Variants in HPSE2 observed in about 807,000 individuals in gnomAD.
The protein encoded by HPSE2 is inactive heparanase-2.
Under a neutral mutation model 60.5 loss-of-function variants are expected in HPSE2, and 38 were observed. The observed-to-expected ratio is 0.63, with a 90% CI of 0.48 to 0.82. HPSE2 has a LOEUF of 0.82. Ranked by LOEUF, HPSE2 falls within the 40% of genes least tolerant of loss-of-function variation. HPSE2 has a pLI of 0.00. For missense variants in HPSE2, 713 were observed against 740.4 expected (o/e 0.96, Z 0.43); for synonymous variants, 295 against 293.2 (o/e 1.01, Z -0.06).
At chr10:98,789,489 G>C (rs547513902) in intron 3 of HPSE2, among the ~76,000 whole-genome samples, 25 of 152,328 alleles carry the variant, frequency 1.6e-4, no homozygotes, top group African/African-American at 5.8e-4. Flanking sequence ...ATGCAGGCTG[G>C]AAATACCTCA....
chr10:99,048,772 T>G (rs1957920691), intron 3 of HPSE2, among the ~76,000 whole-genome samples: 1 of 152,168 alleles, frequency 6.6e-6, no homozygotes, highest in Non-Finnish European at 1.5e-5. Flanking sequence ...AAAAGACACA[T>G]GTACTTCTAT....
intron 3 of HPSE2, among the ~76,000 whole-genome samples, chr10:98,869,365 C>T (rs1380747959): frequency 6.6e-6 from 1 of 152,048 alleles, no homozygotes. Flanking sequence ...CATATCAGAG[C>T]CCTAATGTCC....
In HPSE2 at chr10:99,232,227, AC is replaced by A. The variant is rs1564910930; in HGVS notation, c.448+120del. 14 of 1,168,558 alleles carry A rather than the reference AC, an allele frequency of 1.2e-5. No individual in the cohort carries two copies. The African/African-American group carries it at 2.2e-4, about 18-fold the overall frequency. 72.4% of individuals were successfully genotyped at this position (1,168,558 alleles called of 1,614,324 possible). A position where few individuals can be genotyped will look rare whatever the true frequency, so the allele number is the denominator to read the frequency against. Reference sequence around the variant, plus strand: ...CGCGCGCGCGCATACACACACACACACACACACACACACACACACACACACA... The same window carrying A: ...CGCGCGCGCGCATACACACACACACAACACACACACACACACACACACACA... On this transcript the variant is annotated intron_variant, in intron 2 of 11. Coordinates refer to ENST00000370552, the MANE Select transcript of HPSE2 (RefSeq NM_021828.5).
intron 3 of HPSE2, among the ~76,000 whole-genome samples, chr10:98,995,645 C>A (rs1956626486): frequency 6.6e-6 from 1 of 151,944 alleles, no homozygotes; most frequent in Non-Finnish European, 1.5e-5. Flanking sequence ...CAAAAAACAC[C>A]ATTGAGAAAA....
At chr10:99,236,496 G>A (rs1849859467), upstream of HPSE2, among the ~76,000 whole-genome samples, 1 of 152,056 alleles carries the variant, frequency 6.6e-6, no homozygotes, top group African/African-American at 2.4e-5. Context: ...ACCAAGGGCG[G>A]TTAAGTTGCA....
At chr10:98,672,899 T>G (rs1408561972) in intron 6 of HPSE2, among the ~76,000 whole-genome samples, 3 of 152,212 alleles carry the variant, frequency 2.0e-5, no homozygotes, top group African/African-American at 7.2e-5. Context: ...AGATCAAGTT[T>G]GAAAAGTGTT....
Position 98,778,106 on chromosome 10 carries a change from T to G in HPSE2, c.611-34050A>C, listed in dbSNP as rs529029619. The stretch of plus-strand genomic sequence containing the variant: ...GGAGAGCCCCAAATGGGAGGAAAGT[T>G]AGGGTCAGGTGTGTCAGTTAGGTGG... On this transcript the variant is annotated intron_variant, in intron 3 of 11. Transcript: ENST00000370552. Among the ~76,000 whole-genome samples the G allele has an allele frequency of 3.3e-5, 5 of 152,066 alleles. No homozygotes were observed. In the East Asian group the frequency reaches 7.8e-4, roughly 24 times the overall value.
At chr10:98,686,935 C>T (rs1011528045) in intron 6 of HPSE2, among the ~76,000 whole-genome samples, 1 of 151,998 alleles carries the variant, frequency 6.6e-6, no homozygotes, top group Non-Finnish European at 1.5e-5. Flanking sequence ...GTCTGTTTGA[C>T]AGTGTTATTA....
intron 2 of HPSE2, among the ~76,000 whole-genome samples, chr10:99,204,466 G>T (rs562748094): frequency 6.6e-6 from 1 of 152,144 alleles, no homozygotes; most frequent in Non-Finnish European, 1.5e-5. Flanking sequence ...TTCACAAAAT[G>T]CACAGACATC....
chr10:98,731,092 C>T (rs955318512), intron 4 of HPSE2, among the ~76,000 whole-genome samples: 1 of 152,120 alleles, frequency 6.6e-6, no homozygotes, highest in Non-Finnish European at 1.5e-5. Context: ...CAAGACCCAC[C>T]TGGCCAACAT....
chr10:98,955,097 G>A (rs1955471620), intron 3 of HPSE2, among the ~76,000 whole-genome samples: 1 of 151,608 alleles, frequency 6.6e-6, no homozygotes, highest in Non-Finnish European at 1.5e-5. Flanking sequence ...CAGAATCATA[G>A]AGACAAATGC....
intron 6 of HPSE2, among the ~76,000 whole-genome samples, chr10:98,679,521 G>C (rs1947731205): frequency 1.3e-5 from 2 of 151,880 alleles, no homozygotes. Flanking sequence ...GTTTTCAAAG[G>C]TCGACTCAGT....
chr10:98,800,204 C>T (rs1950873468), intron 3 of HPSE2, among the ~76,000 whole-genome samples: 1 of 151,638 alleles, frequency 6.6e-6, no homozygotes, highest in Non-Finnish European at 1.5e-5. Flanking sequence ...TTCATCTCTA[C>T]TAAAAATACA....
At chr10:99,113,593 T>C in intron 3 of HPSE2, among the ~76,000 whole-genome samples, 1 of 152,262 alleles carries the variant, frequency 6.6e-6, no homozygotes, top group Non-Finnish European at 1.5e-5. Flanking sequence ...TTAAAATTTG[T>C]TTTACTTTGA....
chr10:98,682,545 T>C (rs187128020), intron 6 of HPSE2, among the ~76,000 whole-genome samples: 1 of 152,266 alleles, frequency 6.6e-6, no homozygotes, highest in East Asian at 1.9e-4. Context: ...CTTACCCTCA[T>C]GATCAGGTGG....
rs1957256844 is a variant in HPSE2, at chr10:99,021,294, G to A, written c.610+122944C>T. ...GAGATACTATGTGAAGGGTGTGAATGCATTATTAACCCTAATAACACTGTA... is the reference window on the plus strand; with the variant it reads ...GAGATACTATGTGAAGGGTGTGAATACATTATTAACCCTAATAACACTGTA... On this transcript the variant is annotated intron_variant, in intron 3 of 11. Coordinates refer to ENST00000370552, the MANE Select transcript of HPSE2 (RefSeq NM_021828.5). Among the ~76,000 whole-genome samples, 5 of 152,104 alleles carry A rather than the reference G, an allele frequency of 3.3e-5. No homozygotes were observed. The South Asian group carries it at 1.0e-3, about 31-fold the overall frequency.
At chr10:99,164,282 T>A (rs1447494765) in intron 2 of HPSE2, among the ~76,000 whole-genome samples, 2 of 109,042 alleles carry the variant, frequency 1.8e-5, no homozygotes. Flanking sequence ...TATATATATA[T>A]GAACTTATGA....
intron 3 of HPSE2, among the ~76,000 whole-genome samples, chr10:98,817,400 C>T (rs1951317363): frequency 6.6e-6 from 1 of 151,950 alleles, no homozygotes; most frequent in Non-Finnish European, 1.5e-5. Context: ...TCTTTTTTCC[C>T]CAAAACTAGG....
At chr10:99,150,143 T>C (rs1846204964) in intron 2 of HPSE2, among the ~76,000 whole-genome samples, 1 of 152,204 alleles carries the variant, frequency 6.6e-6, no homozygotes, top group African/African-American at 2.4e-5. Flanking sequence ...TGCACCAAAG[T>C]TGATGCACTA....
Sources: allele counts gnomAD v4.1 joint callset (sites outside exome capture counted in the v4.1 genomes callset), GRCh38; gene constraint gnomAD v4.1.1; transcripts MANE v1.5; gene names NCBI Gene and HGNC (gene_info 2026-07-23, HGNC 2026-07-21).